The following GYG2 variants were observed in gnomAD, a reference collection of about 807,000 sequenced individuals.
The protein encoded by GYG2 is glycogenin 2.
Under a neutral mutation model 29.4 loss-of-function variants are expected in GYG2, and 29 were observed. The ratio of observed to expected loss-of-function variants is 0.99; its 90% CI spans 0.74 to 1.35. The LOEUF (loss-of-function observed/expected upper bound fraction) is 1.35. GYG2 is among the 40% of genes most tolerant of loss of function. GYG2 has a pLI of 0.00. For synonymous variants in GYG2, 167 were observed against 172.3 expected, an observed-to-expected ratio of 0.97 and a Z score of 0.24; for missense variants, 370 against 385.7, an observed-to-expected ratio of 0.96 and a Z score of 0.34.
At chrX:2,874,179 C>T (rs1483979980) in intron 8 of GYG2, among the ~76,000 whole-genome samples, 1 of 112,665 alleles carries the variant, frequency 8.9e-6, no homozygotes, top group African/African-American at 3.2e-5. Flanking sequence ...TTCATGATTA[C>T]AGTGTTCTCT....
chrX:2,877,567 G>A (rs1569076737), intron 10 of GYG2: 1 of 925,842 alleles, frequency 1.1e-6, no homozygotes, highest in East Asian at 4.5e-5. Flanking sequence ...TTCTGCAGAA[G>A]GGATCAGGAG....
chrX:2,880,164 ATGTGTG>A lies in GYG2; in HGVS notation c.1252-866_1252-861del, dbSNP rs10534403. 1.8e-3 allele frequency among the ~76,000 whole-genome samples: 191 copies of A among 105,189 alleles called. 2 individuals are homozygous for A. The highest frequency in any genetic ancestry group is 5.5e-3 in the East Asian group (18 of 3,301). 91.3% of individuals were successfully genotyped at this position (105,189 alleles called of 115,157 possible). Reference sequence around the variant, plus strand: ...TTGACTCATCTGAATGCCAAACAAAATGTGTGTGTGTGTGTGTGTGTGTGTGTTGTT... The same window carrying A: ...TTGACTCATCTGAATGCCAAACAAAATGTGTGTGTGTGTGTGTGTGTTGTT... On this transcript the variant is annotated intron_variant, in intron 10 of 10. Transcript: ENST00000398806.
chrX:2,839,991 G>A (rs1046936101), intron 2 of GYG2, among the ~76,000 whole-genome samples: 10 of 111,880 alleles, frequency 8.9e-5, no homozygotes, highest in Non-Finnish European at 1.9e-4. Flanking sequence ...ATTGCGCATG[G>A]ACTAAATGCG....
intron 8 of GYG2, among the ~76,000 whole-genome samples, chrX:2,869,652 G>A (rs1222265634): frequency 8.9e-6 from 1 of 112,246 alleles, no homozygotes; most frequent in African/African-American, 3.2e-5. Context: ...TTTTGTTGTT[G>A]TTGTTGTTTT....
chrX:2,855,055 A>G lies in GYG2; in HGVS notation c.387A>G (p.Gly129=). Residue 129 remains glycine, a synonymous_variant, in exon 5 of 11, where the codon GGA becomes GGG. Coordinates refer to ENST00000398806, the MANE Select transcript of GYG2 (RefSeq NM_001079855.2). ...RGEFSAAPDP[G]WPDCFNSGVF... ...AGTTTTCTGCGGCCCCGGACCCCGG[A>G]TGGCCGGATTGCTTCAATAGCGGGG... 8.3e-7 allele frequency: 1 copy of G among 1,210,857 alleles called. No homozygotes were observed. Among genetic ancestry groups the G allele is most frequent in the Non-Finnish European group, 1.1e-6 (1 of 894,559 alleles).
intron 8 of GYG2, among the ~76,000 whole-genome samples, chrX:2,866,553 A>G (rs1023997736): frequency 1.8e-5 from 2 of 111,207 alleles, no homozygotes; most frequent in African/African-American, 6.5e-5. Context: ...ATAGGGAGAG[A>G]TTTGTTAAAG....
At position 2,869,110 on chromosome X, in the gene GYG2, C is replaced by T. The variant is rs906095611; in HGVS notation, c.1039-6700C>T. ...GTTCCATATCTGTGGATTCAACCAA[C>T]CTTGGATCGAAAATATTGGGGAAAC... On this transcript the variant is annotated intron_variant, in intron 8 of 10. Coordinates refer to ENST00000398806, the MANE Select transcript of GYG2 (RefSeq NM_001079855.2). 7.2e-5 allele frequency among the ~76,000 whole-genome samples: 8 copies of T among 111,224 alleles called. No individual in the cohort carries two copies. The East Asian group carries it at 1.1e-3, about 16-fold the overall frequency.
intron 3 of GYG2, among the ~76,000 whole-genome samples, chrX:2,850,158 TAGA>T (rs755288498): frequency 8.0e-4 from 88 of 110,177 alleles, no homozygotes; most frequent in African/African-American, 2.9e-3. Flanking sequence ...TAATAATAAA[TAGA>T]AGAGAGCACA....
At chrX:2,844,550 ACG>A (rs764668730) in intron 3 of GYG2, among the ~76,000 whole-genome samples, 3 of 60,979 alleles carry the variant, frequency 4.9e-5, no homozygotes, top group East Asian at 1.2e-3. Flanking sequence ...GTATACGCAC[ACG>A]CATGCGTATA....
intron 3 of GYG2, among the ~76,000 whole-genome samples, chrX:2,848,698 G>A (rs1459770109): frequency 1.8e-5 from 2 of 111,665 alleles, no homozygotes; most frequent in African/African-American, 3.3e-5. Flanking sequence ...TAATTGAGTT[G>A]CTTGTAACAC....
intron 2 of GYG2, among the ~76,000 whole-genome samples, chrX:2,831,436 C>T (rs1448764879): frequency 3.6e-5 from 4 of 111,617 alleles, no homozygotes; most frequent in Non-Finnish European, 5.6e-5. Flanking sequence ...TGGTAAATCA[C>T]AGAGCTGCTT....
chrX:2,862,340 T>G (rs1378170809), intron 8 of GYG2, among the ~76,000 whole-genome samples: 1 of 111,752 alleles, frequency 8.9e-6, no homozygotes, highest in Non-Finnish European at 1.9e-5. Flanking sequence ...TCTGCCTTGG[T>G]GTAAACCACC....
intron 8 of GYG2, among the ~76,000 whole-genome samples, chrX:2,870,287 C>T (rs1471585963): frequency 3.6e-5 from 4 of 110,329 alleles, no homozygotes; most frequent in African/African-American, 9.9e-5. Flanking sequence ...CTGAAGCCTC[C>T]GCCTCCTGGG....
chrX:2,874,604 T>C (rs2088553019), intron 8 of GYG2, among the ~76,000 whole-genome samples: 1 of 112,524 alleles, frequency 8.9e-6, no homozygotes, highest in Non-Finnish European at 1.9e-5. Flanking sequence ...ACAGTAAGCT[T>C]CATGAAGGTG....
At chrX:2,858,849 C>T (rs1328297200) in intron 6 of GYG2, among the ~76,000 whole-genome samples, 1 of 111,077 alleles carries the variant, frequency 9.0e-6, no homozygotes, top group Admixed American at 9.6e-5. Context: ...AAAAAGTTGG[C>T]AAGGGGAACA....
rs932256461 is a variant in GYG2, at chrX:2,847,900, A to T, written c.149+4546A>T. 3.6e-5 allele frequency among the ~76,000 whole-genome samples: 4 copies of T among 111,840 alleles called. No homozygotes were observed. In the South Asian group the frequency reaches 1.5e-3, roughly 41 times the overall value. On this transcript the variant is annotated intron_variant, in intron 3 of 10. Coordinates refer to ENST00000398806, the MANE Select transcript of GYG2 (RefSeq NM_001079855.2). ...TCCTGTGTACTGCAGGGTGTTGAGCAGCGTCCCTGGGCTCCGCCCACCAGA... is the reference window on the plus strand; with the variant it reads ...TCCTGTGTACTGCAGGGTGTTGAGCTGCGTCCCTGGGCTCCGCCCACCAGA...
rs778756856 is a variant in GYG2 at position 2,865,157 on chromosome X, C to A, written c.1038+3435C>A. The stretch of plus-strand genomic sequence containing the variant: ...TTCAGAAGCAAGTGTGTATTCTCCA[C>A]CCTTCAGCCCCTGGAGGGATTTCCA... On this transcript the variant is annotated intron_variant, in intron 8 of 10. Coordinates refer to ENST00000398806, the MANE Select transcript of GYG2 (RefSeq NM_001079855.2). Among the ~76,000 whole-genome samples the A allele has an allele frequency of 3.3e-4, 37 of 111,679 alleles. No individual in the cohort carries two copies. In the South Asian group the frequency reaches 6.5e-3, roughly 19 times the overall value.
At position 2,877,215 on chromosome X, in the gene GYG2, G is replaced by A. The variant is rs760116309; in HGVS notation, c.1159G>A (p.Val387Ile). The change falls in exon 10 of 11, where the codon GTC becomes ATC. Residue 387 changes from valine to isoleucine, a missense_variant. Transcript: ENST00000398806. Reference protein sequence around the residue: ...TETILQPANKVESVSSEETFE... With the variant: ...TETILQPANKIESVSSEETFE... ...TATGTTTTAGCAGCCAGCAAATAAA[G>A]TCGAAAGTGTCTCATCCGAGGAAAC... 3.3e-6 allele frequency: 4 copies of A among 1,205,511 alleles called. No homozygotes were observed. The highest frequency in any genetic ancestry group is 5.9e-5 in the East Asian group (2 of 33,657).
chrX:2,867,671 G>A (rs62582323), intron 8 of GYG2, among the ~76,000 whole-genome samples: 18,747 of 111,241 alleles, frequency 0.17, 1,254 homozygotes, highest in South Asian at 0.31. Context: ...AGAGAAATTC[G>A]AATAGAGAGA....
Sources: gnomAD v4.1 joint callset for allele counts (sites outside exome capture counted in the v4.1 genomes callset) on GRCh38, gnomAD v4.1.1 for gene constraint, MANE v1.5 for transcripts, NCBI Gene and HGNC (gene_info 2026-07-23, HGNC 2026-07-21) for gene names.